TMEM268: variants seen among roughly 807,000 people sequenced by gnomAD.
TMEM268 encodes transmembrane protein 268.
A neutral mutation model predicts 39.1 loss-of-function variants in TMEM268; 24 were observed. The ratio of observed to expected loss-of-function variants is 0.61; its 90% confidence interval spans 0.44 to 0.86. The LOEUF is 0.86. Ranked by LOEUF, TMEM268 falls within the 40% of genes least tolerant of loss-of-function variation. The pLI is 0.00. For missense variants in TMEM268, 409 were observed against 428.6 expected (o/e 0.95, Z 0.40); for synonymous variants, 176 against 173.5 (o/e 1.01, Z -0.12).
chr9:114,636,571 G>T (rs548682969), intron 6 of TMEM268, among the ~76,000 whole-genome samples: 172 of 152,006 alleles, frequency 1.1e-3, no homozygotes, highest in African/African-American at 3.6e-3. Flanking sequence ...TGTGATCTTG[G>T]CTTACTGCAA....
intron 2 of TMEM268, among the ~76,000 whole-genome samples, chr9:114,623,398 G>A (rs1846025878): frequency 6.6e-6 from 1 of 152,112 alleles, no homozygotes; most frequent in African/African-American, 2.4e-5. Flanking sequence ...CATCTGCCTC[G>A]GCCTCCTAAA....
At chr9:114,640,891 T>C (rs1057191587) in intron 8 of TMEM268, among the ~76,000 whole-genome samples, 2 of 152,088 alleles carry the variant, frequency 1.3e-5, no homozygotes, top group Non-Finnish European at 2.9e-5. Flanking sequence ...CTTTTTTTTT[T>C]TCGAGAGGGA....
chr9:114,638,556 A>T lies in TMEM268; in HGVS notation c.679A>T (p.Ser227Cys). 1 of 1,577,604 alleles carries T rather than the reference A, an allele frequency of 6.3e-7. No individual in the cohort carries two copies. Among genetic ancestry groups the T allele is most frequent in the South Asian group, 1.2e-5 (1 of 85,892 alleles). The change falls in exon 8 of 9, where the codon AGC (serine) becomes TGC (cysteine). Residue 227 changes from serine (S) to cysteine (C), a missense_variant. Coordinates refer to ENST00000288502, the MANE Select transcript of TMEM268 (RefSeq NM_153045.4). The stretch of plus-strand genomic sequence containing the variant: ...GTTTCCTTTGCAGTCCTTGCTGAGA[A>T]GCAGATTGAGCCAGTTGTGTGTTGT... The part of the protein sequence containing the change: ...MKTSQESLLR[S>C]RLSQLCVVME...
At chr9:114,623,090 C>CAAA (rs1022113216) in intron 2 of TMEM268, among the ~76,000 whole-genome samples, 2 of 149,898 alleles carry the variant, frequency 1.3e-5, no homozygotes, top group South Asian at 4.3e-4. Context: ...ACTCTGTCTC[C>CAAA]AAAAAACAAC....
chr9:114,634,400 A>G (rs1846538637), intron 6 of TMEM268, among the ~76,000 whole-genome samples: 1 of 152,074 alleles, frequency 6.6e-6, no homozygotes, highest in South Asian at 2.1e-4. Flanking sequence ...CAGCGGGGAG[A>G]GATGAGGCCG....
In TMEM268 at chr9:114,622,197, A is replaced by G. The variant is rs935272521; in HGVS notation, c.107-2153A>G. 5 of 985,266 alleles carry G rather than the reference A, an allele frequency of 5.1e-6. No individual in the cohort carries two copies. The Admixed American group carries it at 1.8e-4, about 36-fold the overall frequency. The allele number at this position is 985,266 out of a possible 1,614,324, so 61.0% of individuals were successfully genotyped here. On this transcript the variant is annotated intron_variant, in intron 2 of 8. Transcript: ENST00000288502. ...AGTGGAGTGAGTCATTTGGCTTTGA[A>G]GACTCAAGTACTGTTCAGAGCTAGA... is the stretch of plus-strand genomic sequence containing the variant.
At chr9:114,626,844 A>G in intron 3 of TMEM268, 55 bp from the exon 4 acceptor site, 1 of 1,320,018 alleles carries the variant, frequency 7.6e-7, no homozygotes, top group East Asian at 2.3e-5. Flanking sequence ...AGTCACATGC[A>G]CTGGAAACTG....
intron 2 of TMEM268, among the ~76,000 whole-genome samples, chr9:114,623,237 A>G (rs1049991162): frequency 3.3e-5 from 5 of 151,166 alleles, no homozygotes; most frequent in Admixed American, 2.0e-4. Context: ...TGCAACCTCC[A>G]CCTCCCAGGT....
At chr9:114,620,022 C>T (rs1007318120) in intron 2 of TMEM268, among the ~76,000 whole-genome samples, 7 of 151,820 alleles carry the variant, frequency 4.6e-5, no homozygotes, top group South Asian at 2.1e-4. Flanking sequence ...GAGACCATCC[C>T]GGCCAACATG....
In TMEM268 at chr9:114,628,128, A is replaced by G. The variant is rs1564292448; in HGVS notation, c.352A>G (p.Ile118Val). 1.2e-6 allele frequency: 2 copies of G among 1,614,092 alleles called. No individual in the cohort carries two copies. Among genetic ancestry groups the G allele is most frequent in the East Asian group, 2.2e-5 (1 of 44,880 alleles). The change falls in exon 5 of 9, where the codon ATC (isoleucine) becomes GTC (valine). Residue 118 changes from isoleucine (I) to valine (V), a missense_variant. Ile to Val is a conservative substitution (Grantham distance 29). Transcript: ENST00000288502. ...TTTCTATGTGGTGGTGTGGGCCAAT[A>G]TCTACTCTACCAGTCAGATGTTTGC... is the stretch of plus-strand genomic sequence containing the variant. Reference protein sequence around the residue: ...VVFYVVVWANIYSTSQMFALG... With the variant: ...VVFYVVVWANVYSTSQMFALG...
chr9:114,604,595 A>AAG, the TMEM268 span, among the ~76,000 whole-genome samples: 1 of 151,612 alleles, frequency 6.6e-6, no homozygotes, highest in Non-Finnish European at 1.5e-5. Context: ...CAAAAAAAAA[A>AAG]AAAAAAAAAA....
upstream of TMEM268, among the ~76,000 whole-genome samples, chr9:114,610,880 C>T (rs1445129103): frequency 1.3e-5 from 2 of 152,168 alleles, no homozygotes; most frequent in South Asian, 2.1e-4. Flanking sequence ...TAGTCTGACC[C>T]CAAACCAATG....
At chr9:114,608,800 A>G (rs1845400071), upstream of TMEM268, among the ~76,000 whole-genome samples, 1 of 152,152 alleles carries the variant, frequency 6.6e-6, no homozygotes, top group Non-Finnish European at 1.5e-5. Context: ...CTGAATGTCC[A>G]TTTGTGGATA....
In TMEM268 at chr9:114,643,683, C is replaced by T. The variant is rs570369256; in HGVS notation, c.*370C>T. The T allele has an allele frequency of 5.7e-6, 1 of 176,122 alleles. No individual in the cohort carries two copies. The highest frequency in any genetic ancestry group is 2.4e-5 in the African/African-American group (1 of 42,396). 10.9% of individuals were successfully genotyped at this position (176,122 alleles called of 1,614,324 possible). ...GACCAGACTGGGCAAATTATGTGTC[C>T]AAAACTTGGCCTCAGATGATGTTTC... On this transcript the variant is annotated 3_prime_UTR_variant, in exon 9 of 9. Coordinates refer to ENST00000288502, the MANE Select transcript of TMEM268 (RefSeq NM_153045.4).
chr9:114,616,654 C>A (rs1388754220), intron 1 of TMEM268, among the ~76,000 whole-genome samples: 1 of 152,042 alleles, frequency 6.6e-6, no homozygotes, highest in Non-Finnish European at 1.5e-5. Context: ...GCGTGAGCCA[C>A]CGTGCCTGGC....
intron 2 of TMEM268, among the ~76,000 whole-genome samples, chr9:114,620,713 T>C (rs1845914228): frequency 6.6e-6 from 1 of 152,256 alleles, no homozygotes; most frequent in Non-Finnish European, 1.5e-5. Flanking sequence ...ACCCATCTTG[T>C]GCTGAGCACT....
upstream of TMEM268, among the ~76,000 whole-genome samples, chr9:114,610,142 C>T (rs1464075506): frequency 2.0e-5 from 3 of 151,938 alleles, no homozygotes; most frequent in African/African-American, 7.3e-5. Context: ...CGGGTTCAAG[C>T]GATTCTCCTG....
chr9:114,613,351 C>T (rs961692654), intron 1 of TMEM268, among the ~76,000 whole-genome samples: 5 of 152,344 alleles, frequency 3.3e-5, no homozygotes, highest in African/African-American at 1.2e-4. Flanking sequence ...CATGGTCCCT[C>T]GTGGCTGCTC....
At chr9:114,621,343 C>T (rs1473858777) in intron 2 of TMEM268, among the ~76,000 whole-genome samples, 3 of 71,598 alleles carry the variant, frequency 4.2e-5, no homozygotes, top group Non-Finnish European at 9.0e-5. Flanking sequence ...GAGATGCTGT[C>T]TCAAAAAAAA....
Sources: gnomAD v4.1 joint callset for allele counts (sites outside exome capture counted in the v4.1 genomes callset) on GRCh38, gnomAD v4.1.1 for gene constraint, MANE v1.5 for transcripts, NCBI Gene and HGNC (gene_info 2026-07-23, HGNC 2026-07-21) for gene names.